IGSF10: variants seen among roughly 807,000 people sequenced by gnomAD.
The protein encoded by IGSF10 is immunoglobulin superfamily member 10, also known as calvaria mechanical force protein 608.
In IGSF10, 126 loss-of-function variants were observed where a neutral mutation model predicts 128.2. The ratio of observed to expected loss-of-function variants is 0.98; its 90% CI spans 0.85 to 1.14. The LOEUF (loss-of-function observed/expected upper bound fraction) is 1.14, where lower values mean the gene tolerates loss of function less well. Ranked by LOEUF, IGSF10 falls within the 50% of genes most tolerant of loss-of-function variation. The probability of loss-of-function intolerance (pLI) is 0.00; values close to 1 mark genes in which losing one functional copy is unlikely to be tolerated. For synonymous variants in IGSF10, 1,185 were observed against 1,146.2 expected (o/e 1.03, Z -0.68); for missense variants, 3,295 against 3,149.8 (o/e 1.05, Z -1.10).
chr3:151,459,402 G>A (rs765680802), intron 2 of IGSF10, among the ~76,000 whole-genome samples: 13 of 152,130 alleles, frequency 8.5e-5, no homozygotes, highest in Admixed American at 2.0e-4. Flanking sequence ...CCACTGGAAG[G>A]GAGAATAAAT....
chr3:151,605,482 T>G, the IGSF10 span, among the ~76,000 whole-genome samples: 1 of 152,190 alleles, frequency 6.6e-6, no homozygotes, highest in Non-Finnish European at 1.5e-5. Context: ...CCCTTTACTG[T>G]GAAACTGAAT....
chr3:151,533,150 G>A, the IGSF10 span, among the ~76,000 whole-genome samples: 8 of 152,240 alleles, frequency 5.3e-5, no homozygotes, highest in Admixed American at 2.0e-4. Flanking sequence ...ACTGCTCAAG[G>A]AAATAAGAGA....
rs1243081096 is a variant in IGSF10, at chr3:151,437,788, T to G, written c.6773A>C (p.His2258Pro). The G allele has an allele frequency of 6.2e-7, 1 of 1,613,766 alleles. No individual in the cohort carries two copies. The highest frequency in any genetic ancestry group is 8.5e-7 in the Non-Finnish European group (1 of 1,179,996). The change falls in exon 8 of 8, where the codon CAC becomes CCC. Residue 2258 changes from histidine (H) to proline (P), a missense_variant. Transcript: ENST00000282466. ...KATAVRHSKK[H>P]FDCRAEGTPS... Reference sequence around the variant, plus strand: ...TGTCCCTTCAGCTCTGCAGTCAAAGTGTTTTTTGGAATGTCTCACAGCTGT... The same window carrying G: ...TGTCCCTTCAGCTCTGCAGTCAAAGGGTTTTTTGGAATGTCTCACAGCTGT...
chr3:151,603,079 C>T, the IGSF10 span, among the ~76,000 whole-genome samples: 3 of 152,196 alleles, frequency 2.0e-5, no homozygotes, highest in Non-Finnish European at 4.4e-5. Context: ...TCCTCTGGTT[C>T]TTGCTCTTAT....
Position 151,447,224 on chromosome 3 carries a change from T to A in IGSF10, c.2757A>T (p.Arg919Ser), listed in dbSNP as rs781235518. The A allele has an allele frequency of 1.9e-6, 3 of 1,614,186 alleles. No individual in the cohort carries two copies. Among genetic ancestry groups the A allele is most frequent in the South Asian group, 2.2e-5 (2 of 91,084 alleles). The change falls in exon 6 of 8, where the codon AGA becomes AGT. Residue 919 changes from arginine to serine, a missense_variant. Arg to Ser is a moderately radical substitution (Grantham distance 110). Coordinates refer to ENST00000282466, the MANE Select transcript of IGSF10 (RefSeq NM_178822.5). Reference protein sequence around the residue: ...MGRGREHFQSRPPITVRTMIK... With the variant: ...MGRGREHFQSSPPITVRTMIK... ...TCATAGTCCTTACTGTTATTGGGGG[T>A]CTACTTTGGAAATGCTCTCTTCCTC... is the stretch of plus-strand genomic sequence containing the variant.
the IGSF10 span, among the ~76,000 whole-genome samples, chr3:151,487,807 C>G: frequency 6.6e-6 from 1 of 152,066 alleles, no homozygotes; most frequent in African/African-American, 2.4e-5. Flanking sequence ...TCTCAATAAA[C>G]TAGGCATTGA....
rs1009578515 is a variant in IGSF10, at chr3:151,438,108, C to T, written c.6453G>A (p.Lys2151=). 4 of 1,614,062 alleles carry T rather than the reference C, an allele frequency of 2.5e-6. No individual in the cohort carries two copies. The African/African-American group carries it at 4.0e-5, about 16-fold the overall frequency. The stretch of plus-strand genomic sequence containing the variant: ...CAGCTGTGTCTCCAGCTTTGATTCT[C>T]TTGTTGGTTTTGTTACTCTGCCTTA... ...PRIRQSNKTN[K]RIKAGDTAVL... is the part of the protein sequence containing the mutation. Residue 2151 remains lysine, a synonymous_variant, in exon 8 of 8, where the codon AAG becomes AAA. Coordinates refer to ENST00000282466, the MANE Select transcript of IGSF10 (RefSeq NM_178822.5).
chr3:151,526,192 G>T, the IGSF10 span, among the ~76,000 whole-genome samples: 3 of 152,186 alleles, frequency 2.0e-5, no homozygotes, highest in South Asian at 6.2e-4. Context: ...CAGAGTGAAG[G>T]TTTAGAAGAG....
At chr3:151,500,149 A>G in the IGSF10 span, among the ~76,000 whole-genome samples, 1 of 152,174 alleles carries the variant, frequency 6.6e-6, no homozygotes, top group Non-Finnish European at 1.5e-5. Flanking sequence ...TGGTAGCTCA[A>G]ATTATTCTAC....
the IGSF10 span, among the ~76,000 whole-genome samples, chr3:151,494,382 A>G: frequency 1.3e-5 from 2 of 152,246 alleles, no homozygotes; most frequent in African/African-American, 4.8e-5. Context: ...CCCCAGGCAT[A>G]TCTTGAATGG....
chr3:151,463,175 T>C (rs1722126999), upstream of IGSF10, among the ~76,000 whole-genome samples: 1 of 152,218 alleles, frequency 6.6e-6, no homozygotes, highest in African/African-American at 2.4e-5. Flanking sequence ...ATCTCTACAA[T>C]TGCTTTATGT....
intron 4 of IGSF10, among the ~76,000 whole-genome samples, chr3:151,455,105 T>C (rs1352989408): frequency 1.3e-5 from 2 of 152,000 alleles, no homozygotes; most frequent in Non-Finnish European, 2.9e-5. Context: ...AAAGTTTCTT[T>C]TTTGCGTTTT....
chr3:151,492,674 C>T, the IGSF10 span, among the ~76,000 whole-genome samples: 19 of 152,156 alleles, frequency 1.2e-4, no homozygotes, highest in South Asian at 3.1e-3. Flanking sequence ...ACCAAGATCG[C>T]GCCACTGCAC....
chr3:151,519,932 T>G, the IGSF10 span, among the ~76,000 whole-genome samples: 2 of 151,960 alleles, frequency 1.3e-5, no homozygotes, highest in South Asian at 4.1e-4. Flanking sequence ...TATTAAAGAT[T>G]TCATTTTGCT....
chr3:151,472,679 C>T, the IGSF10 span, among the ~76,000 whole-genome samples: 1 of 152,102 alleles, frequency 6.6e-6, no homozygotes, highest in Non-Finnish European at 1.5e-5. Flanking sequence ...TCATGCTTCT[C>T]CTGCTCTCTT....
chr3:151,470,326 T>G, the IGSF10 span, among the ~76,000 whole-genome samples: 5 of 152,348 alleles, frequency 3.3e-5, no homozygotes, highest in African/African-American at 1.2e-4. Flanking sequence ...GGATGTGACT[T>G]GGCTGCTGAA....
At chr3:151,490,695 T>C in the IGSF10 span, among the ~76,000 whole-genome samples, 22 of 152,150 alleles carry the variant, frequency 1.4e-4, no homozygotes, top group South Asian at 4.6e-3. Flanking sequence ...ACCACAATGG[T>C]TTGAAATTAG....
At chr3:151,584,033 A>G in the IGSF10 span, among the ~76,000 whole-genome samples, 1 of 152,192 alleles carries the variant, frequency 6.6e-6, no homozygotes, top group African/African-American at 2.4e-5. Flanking sequence ...TTTATCAGTT[A>G]TCAAAGAGTG....
chr3:151,490,748 A>G, the IGSF10 span, among the ~76,000 whole-genome samples: 1 of 152,174 alleles, frequency 6.6e-6, no homozygotes, highest in African/African-American at 2.4e-5. Flanking sequence ...ACAAACATGT[A>G]GAGATTAAAC....
Sources: gnomAD v4.1 joint callset for allele counts (sites outside exome capture counted in the v4.1 genomes callset) on GRCh38, gnomAD v4.1.1 for gene constraint, MANE v1.5 for transcripts, NCBI Gene and HGNC (gene_info 2026-07-23, HGNC 2026-07-21) for gene names.